The following WDR59 variants were observed in gnomAD, a reference collection of about 807,000 sequenced individuals.
WDR59 encodes GATOR2 complex protein WDR59.
Under a neutral mutation model 131.2 loss-of-function variants are expected in WDR59, and 100 were observed. The ratio of observed to expected loss-of-function variants is 0.76; its 90% CI spans 0.65 to 0.90. The LOEUF (loss-of-function observed/expected upper bound fraction) is 0.90. Among genes scored for constraint, WDR59 ranks in the 40% least tolerant of loss-of-function variants. The pLI is 0.00. For missense variants in WDR59, 1,203 were observed against 1,262.2 expected (o/e 0.95, Z 0.71); for synonymous variants, 601 against 466.2 (o/e 1.29, Z -3.72).
chr16:74,972,851 A>AAAAG (rs2034041792), intron 1 of WDR59, among the ~76,000 whole-genome samples: 1 of 118,722 alleles, frequency 8.4e-6, no homozygotes, highest in Non-Finnish European at 1.8e-5. Flanking sequence ...AAAAAAAAAG[A>AAAAG]GGTTTTACAG....
At chr16:74,909,365 A>T (rs915538883) in intron 16 of WDR59, 136 bp downstream of exon 16, 1 of 1,161,878 alleles carries the variant, frequency 8.6e-7, no homozygotes, top group Non-Finnish European at 1.1e-6. Flanking sequence ...AGACCCTACC[A>T]CGCTACCATG....
intron 1 of WDR59, among the ~76,000 whole-genome samples, chr16:74,971,857 C>T (rs946005056): frequency 2.0e-5 from 3 of 152,102 alleles, no homozygotes; most frequent in African/African-American, 2.4e-5. Flanking sequence ...TACAGATGCA[C>T]ACCACCACAC....
intron 1 of WDR59, among the ~76,000 whole-genome samples, chr16:74,967,719 C>G (rs1270573535): frequency 6.6e-6 from 1 of 151,928 alleles, no homozygotes; most frequent in Non-Finnish European, 1.5e-5. Context: ...ATTAGCCGGG[C>G]ATGGTGGCAG....
chr16:74,940,958 C>G (rs1362700659), intron 7 of WDR59, among the ~76,000 whole-genome samples: 1 of 152,036 alleles, frequency 6.6e-6, no homozygotes, highest in Non-Finnish European at 1.5e-5. Flanking sequence ...CCCGCCTCAG[C>G]CTCCCAAAGT....
chr16:74,924,284 G>C (rs561852479), intron 8 of WDR59, among the ~76,000 whole-genome samples: 4 of 152,222 alleles, frequency 2.6e-5, no homozygotes, highest in Non-Finnish European at 4.4e-5. Context: ...CTTTAGAGCT[G>C]AAAATTCAGA....
chr16:74,984,827 G>C, intron 1 of WDR59, 137 bp downstream of exon 1: 1 of 1,285,326 alleles, frequency 7.8e-7, no homozygotes, highest in Non-Finnish European at 1.1e-6. Context: ...GGCCTAAGAG[G>C]TCGGCTAAGC....
intron 25 of WDR59, among the ~76,000 whole-genome samples, chr16:74,874,687 C>G (rs1423588875): frequency 6.6e-6 from 1 of 152,160 alleles, no homozygotes; most frequent in Non-Finnish European, 1.5e-5. Context: ...CCTTCACAGC[C>G]CGGATTCAAG....
intron 25 of WDR59, among the ~76,000 whole-genome samples, chr16:74,880,905 C>A (rs1241059195): frequency 2.0e-5 from 3 of 152,206 alleles, no homozygotes; most frequent in Admixed American, 6.5e-5. Context: ...TCACCTATTA[C>A]ACAAAAGTAA....
chr16:74,957,385 T>C (rs2033346848), intron 2 of WDR59, among the ~76,000 whole-genome samples: 1 of 152,146 alleles, frequency 6.6e-6, no homozygotes, highest in Non-Finnish European at 1.5e-5. Flanking sequence ...CCGGCTGTCT[T>C]GAATATCTCT....
At chr16:74,960,723 T>C (rs1158286614) in intron 2 of WDR59, among the ~76,000 whole-genome samples, 5 of 146,274 alleles carry the variant, frequency 3.4e-5, no homozygotes, top group African/African-American at 7.7e-5. Flanking sequence ...ACTCCAGCCT[T>C]GGTGACAGAG....
At position 74,886,253 on chromosome 16, in the gene WDR59, C is replaced by T; in HGVS notation, c.2546+17G>A. The T allele has an allele frequency of 3.1e-6, 5 of 1,600,518 alleles. No individual in the cohort carries two copies. The highest frequency in any genetic ancestry group is 4.3e-6 in the Non-Finnish European group (5 of 1,170,870). ...TGGAGTCCTGGCATTGCAGCTCTCA[C>T]CTGGGAGGGTGGTTACCTTTTATTT... On this transcript the variant is annotated intron_variant, in intron 24 of 25. Coordinates refer to ENST00000262144, the MANE Select transcript of WDR59 (RefSeq NM_030581.4).
intron 11 of WDR59, among the ~76,000 whole-genome samples, chr16:74,917,668 G>A (rs1204836715): frequency 6.6e-6 from 1 of 151,976 alleles, no homozygotes; most frequent in Non-Finnish European, 1.5e-5. Context: ...AATTAGCCGA[G>A]TGTGTTGGTG....
At chr16:74,886,907 GCA>G (rs914412346) in intron 23 of WDR59, among the ~76,000 whole-genome samples, 7 of 152,056 alleles carry the variant, frequency 4.6e-5, no homozygotes, top group African/African-American at 1.7e-4. Flanking sequence ...TGGCGACAGA[GCA>G]AGAGTCCATC....
intron 18 of WDR59, among the ~76,000 whole-genome samples, chr16:74,902,957 G>C (rs1032416842): frequency 2.0e-5 from 3 of 151,982 alleles, no homozygotes; most frequent in Non-Finnish European, 4.4e-5. Context: ...CAACTAAATG[G>C]TTTTGCTCAA....
At chr16:74,945,871 TG>T in intron 6 of WDR59, among the ~76,000 whole-genome samples, 1 of 146,446 alleles carries the variant, frequency 6.8e-6, no homozygotes, top group Non-Finnish European at 1.5e-5. Flanking sequence ...CAGGCTAGAG[TG>T]CAATGGCGTG....
chr16:74,916,376 A>T, intron 11 of WDR59, 117 bp from the exon 12 acceptor site: 15 of 1,270,234 alleles, frequency 1.2e-5, no homozygotes, highest in Non-Finnish European at 1.7e-5. Context: ...TGTGTCAGCC[A>T]AGAGCTGACA....
chr16:74,983,450 G>T (rs1304306686), intron 1 of WDR59, among the ~76,000 whole-genome samples: 13 of 152,012 alleles, frequency 8.6e-5, no homozygotes, highest in African/African-American at 1.2e-4. Flanking sequence ...TACAGTCTGG[G>T]TCATAGAGTG....
intron 18 of WDR59, among the ~76,000 whole-genome samples, chr16:74,900,682 A>G (rs1022170609): frequency 6.6e-6 from 1 of 152,254 alleles, no homozygotes; most frequent in African/African-American, 2.4e-5. Context: ...TTTTAGGAGC[A>G]AAGCTTGGCA....
intron 8 of WDR59, among the ~76,000 whole-genome samples, chr16:74,926,571 C>T (rs80104352): frequency 2.4e-4 from 37 of 152,272 alleles, no homozygotes; most frequent in African/African-American, 8.2e-4. Flanking sequence ...ATGATCCACA[C>T]GTGTACTCTC....
Sources: gnomAD v4.1 joint callset for allele counts (sites outside exome capture counted in the v4.1 genomes callset) on GRCh38, gnomAD v4.1.1 for gene constraint, MANE v1.5 for transcripts, NCBI Gene and HGNC (gene_info 2026-07-23, HGNC 2026-07-21) for gene names.